Variants in MMP20 observed in about 807,000 individuals in gnomAD.
MMP20 encodes matrix metalloproteinase-20.
Under a neutral mutation model 51.8 loss-of-function variants are expected in MMP20, and 50 were observed. The observed-to-expected ratio is 0.97, with a 90% CI of 0.77 to 1.22. The LOEUF (loss-of-function observed/expected upper bound fraction) is 1.22, where lower values mean the gene tolerates loss of function less well. MMP20 is among the 50% of genes most tolerant of loss of function. The pLI is 0.00. For missense variants in MMP20, 663 were observed against 601.4 expected, an observed-to-expected ratio of 1.10 and a Z score of -1.07; for synonymous variants, 244 against 216.2, an observed-to-expected ratio of 1.13 and a Z score of -1.13.
intron 9 of MMP20, 30 bp downstream of exon 9, chr11:102,579,009 A>T: frequency 6.7e-7 from 1 of 1,487,876 alleles, no homozygotes; most frequent in Non-Finnish European, 9.4e-7. Flanking sequence ...GATAGTTTTC[A>T]TGAAGAAAGT....
chr11:102,577,484 G>A (rs1308988914), intron 9 of MMP20, 58 bp from the exon 10 acceptor site: 3 of 1,194,120 alleles, frequency 2.5e-6, no homozygotes, highest in African/African-American at 1.5e-5. Context: ...TATATAAATG[G>A]AAGAATTTGT....
At chr11:102,612,738 CTTTTT>C (rs35861660) in intron 2 of MMP20, among the ~76,000 whole-genome samples, 1 of 127,196 alleles carries the variant, frequency 7.9e-6, no homozygotes, top group East Asian at 2.2e-4. Flanking sequence ...TCTTTTCTTT[CTTTTT>C]TTTTTTTTTT....
chr11:102,599,862 A>G (rs1859425221), intron 6 of MMP20, among the ~76,000 whole-genome samples: 1 of 152,200 alleles, frequency 6.6e-6, no homozygotes, highest in Admixed American at 6.5e-5. Flanking sequence ...CTAAAAACCC[A>G]TCTGTAGCCA....
chr11:102,604,832 T>A (rs1454782545), intron 6 of MMP20, among the ~76,000 whole-genome samples: 3 of 152,194 alleles, frequency 2.0e-5, no homozygotes, highest in Admixed American at 2.0e-4. Context: ...GTGAAAAAGT[T>A]TATAAATCAA....
intron 6 of MMP20, among the ~76,000 whole-genome samples, chr11:102,595,223 A>G (rs960103336): frequency 6.6e-6 from 1 of 152,126 alleles, no homozygotes; most frequent in African/African-American, 2.4e-5. Context: ...GACCATGTCC[A>G]TTCCACCCTT....
intron 8 of MMP20, 61 bp downstream of exon 8, chr11:102,593,378 T>C (rs975514141): frequency 6.4e-7 from 1 of 1,573,778 alleles, no homozygotes; most frequent in Non-Finnish European, 8.7e-7. Flanking sequence ...GAAGGGTTTT[T>C]ATCTTTTTAA....
Position 102,579,714 on chromosome 11 carries a change from G to A in MMP20, c.1248-572C>T, listed in dbSNP as rs572309989. 2.0e-5 allele frequency among the ~76,000 whole-genome samples: 3 copies of A among 152,264 alleles called. No homozygotes were observed. In the East Asian group the frequency reaches 5.8e-4, roughly 29 times the overall value. On this transcript the variant is annotated intron_variant, in intron 8 of 9. Coordinates refer to ENST00000260228, the MANE Select transcript of MMP20 (RefSeq NM_004771.4). ...AGATTCTGGTACCACAAGCTTGGAA[G>A]TCACTTGCTTAAAGCAGTCTCCAAA...
At chr11:102,594,337 C>G (rs1188570030) in intron 7 of MMP20, among the ~76,000 whole-genome samples, 1 of 152,214 alleles carries the variant, frequency 6.6e-6, no homozygotes, top group African/African-American at 2.4e-5. Flanking sequence ...GAGCAGAGGT[C>G]CTGTGTGGCA....
rs148328327 is a variant in MMP20, at chr11:102,597,115, A to G, written c.954-2358T>C. On this transcript the variant is annotated intron_variant, in intron 6 of 9. Coordinates refer to ENST00000260228, the MANE Select transcript of MMP20 (RefSeq NM_004771.4). ...AAAGTGGGGAGGTAGAGGAGCAGAT[A>G]TGTCTTCCCAAAACTAGGCTCTGTC... Among the ~76,000 whole-genome samples, 12 of 152,326 alleles carry G rather than the reference A, an allele frequency of 7.9e-5. No homozygotes were observed. In the East Asian group the frequency reaches 2.3e-3, roughly 29 times the overall value.
At chr11:102,593,967 C>G (rs1859349306) in intron 7 of MMP20, among the ~76,000 whole-genome samples, 1 of 152,224 alleles carries the variant, frequency 6.6e-6, no homozygotes, top group Admixed American at 6.5e-5. Flanking sequence ...CACTTGCTTT[C>G]TAACCTTATC....
At chr11:102,579,933 A>T (rs1409188216) in intron 8 of MMP20, among the ~76,000 whole-genome samples, 2 of 152,214 alleles carry the variant, frequency 1.3e-5, no homozygotes. Flanking sequence ...GCTTTTATTC[A>T]TGAACTTAGT....
chr11:102,594,517 A>G, intron 7 of MMP20, 104 bp downstream of exon 7: 2 of 1,458,732 alleles, frequency 1.4e-6, no homozygotes, highest in South Asian at 1.2e-5. Flanking sequence ...AGCAACTGAA[A>G]TGTGCTCCAT....
intron 1 of MMP20, among the ~76,000 whole-genome samples, chr11:102,621,873 G>GT (rs1407636044): frequency 4.6e-5 from 7 of 152,268 alleles, no homozygotes; most frequent in African/African-American, 1.7e-4. Context: ...TAAAATGGTA[G>GT]TAAAAACACC....
chr11:102,596,173 A>G (rs937946808), intron 6 of MMP20, among the ~76,000 whole-genome samples: 28 of 152,368 alleles, frequency 1.8e-4, no homozygotes, highest in African/African-American at 5.8e-4. Flanking sequence ...CTTTGAGAAC[A>G]CACAAGAAGT....
intron 6 of MMP20, among the ~76,000 whole-genome samples, chr11:102,601,122 A>ATTTTTTT (rs1193022328): frequency 1.6e-4 from 6 of 36,978 alleles, no homozygotes; most frequent in South Asian, 8.6e-4. Context: ...AGTGTCGGCT[A>ATTTTTTT]TTCTTTTTTT....
chr11:102,577,275 A>G lies in MMP20; in HGVS notation c.*51T>C. 3 of 1,232,792 alleles carry G rather than the reference A, an allele frequency of 2.4e-6. No individual in the cohort carries two copies. Among genetic ancestry groups the G allele is most frequent in the Non-Finnish European group, 3.6e-6 (3 of 832,704 alleles). The allele number at this position is 1,232,792 out of a possible 1,614,324, so 76.4% of individuals were successfully genotyped here. A position where few individuals can be genotyped will look rare whatever the true frequency, so the allele number is the denominator to read the frequency against. On this transcript the variant is annotated 3_prime_UTR_variant, in exon 10 of 10. Coordinates refer to ENST00000260228, the MANE Select transcript of MMP20 (RefSeq NM_004771.4). The stretch of plus-strand genomic sequence containing the variant: ...CTGCTTTAGTCCTTAAGATCCAGTT[A>G]GAGGCTGCTTGTAGTCATCCTCATT...
At chr11:102,616,108 G>C (rs1475861816) in intron 2 of MMP20, among the ~76,000 whole-genome samples, 2 of 152,140 alleles carry the variant, frequency 1.3e-5, no homozygotes, top group Non-Finnish European at 2.9e-5. Context: ...TGAAGCCAGA[G>C]GATTAGGGGA....
Position 102,580,692 on chromosome 11 carries a change from C to T in MMP20, c.1248-1550G>A, listed in dbSNP as rs114064753. Among the ~76,000 whole-genome samples, 544 of 152,284 alleles carry T rather than the reference C, an allele frequency of 3.6e-3. 2 individuals are homozygous for T. The highest frequency in any genetic ancestry group is 0.012 in the African/African-American group (485 of 41,528). The stretch of plus-strand genomic sequence containing the variant: ...TATGCAGGGGCCTGCATAACAAACA[C>T]GAGGTTACCTACTTTTCATTTTACT... On this transcript the variant is annotated intron_variant, in intron 8 of 9. Coordinates refer to ENST00000260228, the MANE Select transcript of MMP20 (RefSeq NM_004771.4).
At chr11:102,625,146 T>A (rs1174167707) in intron 1 of MMP20, 48 bp downstream of exon 1, 1 of 1,610,242 alleles carries the variant, frequency 6.2e-7, no homozygotes, top group East Asian at 2.2e-5. Flanking sequence ...CCCTTTTAGG[T>A]TTTCTAGGGC....
Sources: gnomAD v4.1 joint callset for allele counts (sites outside exome capture counted in the v4.1 genomes callset) on GRCh38, gnomAD v4.1.1 for gene constraint, MANE v1.5 for transcripts, NCBI Gene and HGNC (gene_info 2026-07-23, HGNC 2026-07-21) for gene names.